TYR: variants seen among roughly 807,000 people sequenced by gnomAD.
The protein encoded by TYR is tyrosinase.
In TYR, 58 loss-of-function variants were observed where a neutral mutation model predicts 51.5. The ratio of observed to expected loss-of-function variants is 1.13; its 90% confidence interval spans 0.91 to 1.40. TYR has a LOEUF of 1.40. TYR is among the 40% of genes most tolerant of loss of function. TYR has a pLI of 0.00. For synonymous variants in TYR, 263 were observed against 235.2 expected (o/e 1.12, Z -1.08); for missense variants, 732 against 647.4 (o/e 1.13, Z -1.42).
At chr11:89,288,262 G>C (rs533301035) in intron 4 of TYR, among the ~76,000 whole-genome samples, 6 of 151,886 alleles carry the variant, frequency 4.0e-5, no homozygotes, top group Non-Finnish European at 8.8e-5. Context: ...CTGTTTTACA[G>C]GTAAGTAAAT....
At chr11:89,257,529 G>A (rs993797072) in intron 3 of TYR, among the ~76,000 whole-genome samples, 1 of 151,794 alleles carries the variant, frequency 6.6e-6, no homozygotes, top group Non-Finnish European at 1.5e-5. Flanking sequence ...TCTAAAGAGG[G>A]AATTATAAGA....
At chr11:89,219,260 A>G (rs900450177) in intron 2 of TYR, among the ~76,000 whole-genome samples, 16 of 151,770 alleles carry the variant, frequency 1.1e-4, no homozygotes, top group African/African-American at 3.4e-4. Context: ...TTAAACTTAT[A>G]TCCAAAGTGT....
intron 3 of TYR, among the ~76,000 whole-genome samples, chr11:89,239,013 G>A (rs1410758272): frequency 6.6e-6 from 1 of 152,070 alleles, no homozygotes; most frequent in Non-Finnish European, 1.5e-5. Context: ...TTGCATCTAT[G>A]TTCATTAGGA....
At position 89,250,151 on chromosome 11, in the gene TYR, T is replaced by A. The variant is rs376133443; in HGVS notation, c.1184+22181T>A. 2.1e-4 allele frequency among the ~76,000 whole-genome samples: 32 copies of A among 152,124 alleles called. No homozygotes were observed. In the East Asian group the frequency reaches 4.6e-3, roughly 22 times the overall value. On this transcript the variant is annotated intron_variant, in intron 3 of 4. Transcript: ENST00000263321. ...TCCATTATTTATGTCATTAAATATA[T>A]CAGTGGTCTGAATTTAGGAAGCATG...
chr11:89,209,744 T>C (rs1943726461), intron 2 of TYR, among the ~76,000 whole-genome samples: 1 of 152,078 alleles, frequency 6.6e-6, no homozygotes, highest in Admixed American at 6.5e-5. Flanking sequence ...GGTGCCCCTC[T>C]GGGACGAAGC....
intron 2 of TYR, among the ~76,000 whole-genome samples, chr11:89,209,545 A>T (rs1163613106): frequency 1.3e-5 from 2 of 152,210 alleles, no homozygotes; most frequent in Non-Finnish European, 2.9e-5. Context: ...ATCTGAACAA[A>T]AGGCATCAGA....
At position 89,284,865 on chromosome 11, in the gene TYR, T is replaced by A. The variant is rs1362285246; in HGVS notation, c.1277T>A (p.Met426Lys). 1 of 1,611,762 alleles carries A rather than the reference T, an allele frequency of 6.2e-7. No homozygotes were observed. Among genetic ancestry groups the A allele is most frequent in the African/African-American group, 1.3e-5 (1 of 74,788 alleles). ...ATTGGACATAACCGGGAATCCTACA[T>A]GGTTCCTTTTATACCACTGTACAGA... is the stretch of plus-strand genomic sequence containing the variant. Reference protein sequence around the residue: ...APIGHNRESYMVPFIPLYRNG... With the variant: ...APIGHNRESYKVPFIPLYRNG... Residue 426 changes from methionine to lysine, a missense_variant, in exon 4 of 5, where the codon ATG (methionine) becomes AAG (lysine). Physicochemically the swap from Met to Lys is moderately conservative, Grantham distance 95 (BLOSUM62 -1). Coordinates refer to ENST00000263321, the MANE Select transcript of TYR (RefSeq NM_000372.5).
chr11:89,180,172 C>T (rs1943283043), intron 1 of TYR, among the ~76,000 whole-genome samples: 1 of 152,150 alleles, frequency 6.6e-6, no homozygotes. Flanking sequence ...GGAAAAAAAT[C>T]TATTTCAATA....
chr11:89,191,746 TGAGA>T (rs897847654), intron 2 of TYR, among the ~76,000 whole-genome samples: 33 of 152,138 alleles, frequency 2.2e-4, no homozygotes, highest in African/African-American at 7.9e-4. Flanking sequence ...GGTAACAAAG[TGAGA>T]GACTCTGAGG....
At chr11:89,274,643 A>C (rs990043349) in intron 3 of TYR, among the ~76,000 whole-genome samples, 9 of 151,868 alleles carry the variant, frequency 5.9e-5, no homozygotes, top group African/African-American at 2.2e-4. Flanking sequence ...TCTCCTCACA[A>C]AAATCAATAA....
At chr11:89,282,372 AT>A (rs1186957671) in intron 3 of TYR, among the ~76,000 whole-genome samples, 1 of 151,776 alleles carries the variant, frequency 6.6e-6, no homozygotes, top group Non-Finnish European at 1.5e-5. Context: ...TAAAAATTTA[AT>A]TTACCAATTG....
intron 3 of TYR, among the ~76,000 whole-genome samples, chr11:89,243,509 T>C (rs1944226708): frequency 6.6e-6 from 1 of 152,320 alleles, no homozygotes; most frequent in Non-Finnish European, 1.5e-5. Context: ...GCTTAAGACA[T>C]TGTATTAGAA....
At chr11:89,191,180 A>G in intron 1 of TYR, 22 bp from the exon 2 acceptor site, 1 of 1,611,212 alleles carries the variant, frequency 6.2e-7, no homozygotes, top group Non-Finnish European at 8.5e-7. Flanking sequence ...CAATTTGTTT[A>G]ACATGAGGGT....
chr11:89,286,211 C>A (rs994004070), intron 4 of TYR, among the ~76,000 whole-genome samples: 3 of 151,716 alleles, frequency 2.0e-5, no homozygotes, highest in African/African-American at 4.8e-5. Context: ...AATGAATAAG[C>A]AGGTGGCAGA....
intron 3 of TYR, among the ~76,000 whole-genome samples, chr11:89,233,182 C>T (rs749664672): frequency 7.0e-6 from 1 of 143,198 alleles, no homozygotes; most frequent in Non-Finnish European, 1.5e-5. Context: ...AGTATCTTCA[C>T]CAGGAGTAGA....
intron 2 of TYR, among the ~76,000 whole-genome samples, chr11:89,201,010 G>A (rs1383482044): frequency 6.6e-6 from 1 of 152,044 alleles, no homozygotes; most frequent in African/African-American, 2.4e-5. Context: ...TTTTATAATA[G>A]CATGCATTGG....
At position 89,256,042 on chromosome 11, in the gene TYR, A is replaced by C. The variant is rs773814166; in HGVS notation, c.1184+28072A>C. ...ATTAAACTGCCATATATTGTTCAAA[A>C]ATTTTACATATGGTTTGTTATAGAA... On this transcript the variant is annotated intron_variant, in intron 3 of 4. Transcript: ENST00000263321. 5.4e-4 allele frequency among the ~76,000 whole-genome samples: 82 copies of C among 151,702 alleles called. 1 individual carries two copies. The highest frequency in any genetic ancestry group is 9.1e-4 in the Non-Finnish European group (62 of 67,778).
At chr11:89,264,770 T>C (rs964395873) in intron 3 of TYR, among the ~76,000 whole-genome samples, 1 of 151,554 alleles carries the variant, frequency 6.6e-6, no homozygotes, top group Non-Finnish European at 1.5e-5. Flanking sequence ...CGAGATCATG[T>C]CCTTTGCAGG....
At chr11:89,256,414 G>A (rs1255163883) in intron 3 of TYR, among the ~76,000 whole-genome samples, 1 of 151,026 alleles carries the variant, frequency 6.6e-6, no homozygotes, top group African/African-American at 2.4e-5. Context: ...AAAGAACTTT[G>A]TTTTCTATAG....
Sources: gnomAD v4.1 joint callset for allele counts (sites outside exome capture counted in the v4.1 genomes callset) on GRCh38, gnomAD v4.1.1 for gene constraint, MANE v1.5 for transcripts, NCBI Gene and HGNC (gene_info 2026-07-23, HGNC 2026-07-21) for gene names.